The following CTNND2 variants were observed in gnomAD, a reference collection of about 807,000 sequenced individuals.
CTNND2 encodes catenin delta-2.
A neutral mutation model predicts 144.4 loss-of-function variants in CTNND2; 22 were observed. The observed-to-expected ratio is 0.15, with a 90% CI of 0.11 to 0.22. CTNND2 has a LOEUF of 0.22. Ranked by LOEUF, CTNND2 falls within the 10% of genes least tolerant of loss-of-function variation. CTNND2 has a pLI of 1.00. For missense variants in CTNND2, 1,353 were observed against 1,618.8 expected (o/e 0.84, Z 2.82); for synonymous variants, 751 against 695.6 (o/e 1.08, Z -1.25).
intron 12 of CTNND2, among the ~76,000 whole-genome samples, chr5:11,141,883 C>T (rs1219565184): frequency 1.3e-5 from 2 of 152,186 alleles, no homozygotes; most frequent in Non-Finnish European, 2.9e-5. Context: ...GAAGTGGGAA[C>T]TTGAGGAGGC....
chr5:11,782,401 G>C (rs1790588931), intron 1 of CTNND2, among the ~76,000 whole-genome samples: 1 of 29,430 alleles, frequency 3.4e-5, no homozygotes. Flanking sequence ...TTAAGAAAAT[G>C]AGATAGAAGG....
chr5:11,569,428 GGATT>G (rs1777385231), intron 2 of CTNND2, among the ~76,000 whole-genome samples: 2 of 151,908 alleles, frequency 1.3e-5, no homozygotes, highest in African/African-American at 4.8e-5. Flanking sequence ...TAATACATTA[GGATT>G]ATTATAAGAA....
chr5:11,544,990 C>G (rs148809114), intron 3 of CTNND2, among the ~76,000 whole-genome samples: 1 of 151,768 alleles, frequency 6.6e-6, no homozygotes, highest in Non-Finnish European at 1.5e-5. Flanking sequence ...GGTGTGATGA[C>G]GCGTGTCTGT....
chr5:11,505,305 A>G (rs138643990), intron 3 of CTNND2, among the ~76,000 whole-genome samples: 31 of 152,298 alleles, frequency 2.0e-4, no homozygotes, highest in African/African-American at 7.5e-4. Flanking sequence ...CTGAGGCCAT[A>G]TCATGGGTGG....
rs1257661373 is a variant in CTNND2 at position 11,521,554 on chromosome 5, T to C, written c.287+43390A>G. On this transcript the variant is annotated intron_variant, in intron 3 of 21. Coordinates refer to ENST00000304623, the MANE Select transcript of CTNND2 (RefSeq NM_001332.4). ...TCTCACCACCATCATTAAACATATATACATAGTCAACATTTAACTTGGGAT... is the reference window on the plus strand; with the variant it reads ...TCTCACCACCATCATTAAACATATACACATAGTCAACATTTAACTTGGGAT... Among the ~76,000 whole-genome samples the C allele has an allele frequency of 2.6e-5, 4 of 152,248 alleles. No homozygotes were observed. The South Asian group carries it at 6.2e-4, about 24-fold the overall frequency.
At chr5:11,826,590 C>G (rs1312834734) in intron 1 of CTNND2, among the ~76,000 whole-genome samples, 1 of 151,752 alleles carries the variant, frequency 6.6e-6, no homozygotes, top group Non-Finnish European at 1.5e-5. Flanking sequence ...GATATCCAAT[C>G]TAATATGGTC....
intron 16 of CTNND2, among the ~76,000 whole-genome samples, chr5:11,069,381 G>A (rs1305430835): frequency 2.6e-5 from 4 of 152,142 alleles, no homozygotes; most frequent in Non-Finnish European, 4.4e-5. Flanking sequence ...ATATGGGTTA[G>A]GAGTAGATAG....
intron 1 of CTNND2, among the ~76,000 whole-genome samples, chr5:11,836,122 A>G (rs180978141): frequency 2.0e-5 from 3 of 152,284 alleles, no homozygotes; most frequent in South Asian, 4.1e-4. Flanking sequence ...ATGTTGGGAG[A>G]TATCATCCCC....
At chr5:11,013,481 C>G (rs1444585018) in intron 18 of CTNND2, among the ~76,000 whole-genome samples, 1 of 152,154 alleles carries the variant, frequency 6.6e-6, no homozygotes, top group Non-Finnish European at 1.5e-5. Context: ...CTCCCCTACA[C>G]ATTTTAGACC....
At chr5:11,796,211 T>G (rs948824248) in intron 1 of CTNND2, among the ~76,000 whole-genome samples, 2 of 152,206 alleles carry the variant, frequency 1.3e-5, no homozygotes, top group African/African-American at 4.8e-5. Flanking sequence ...CTCAACTGCA[T>G]CTGCCATGCT....
intron 20 of CTNND2, among the ~76,000 whole-genome samples, chr5:10,987,171 G>C (rs1295046853): frequency 6.6e-6 from 1 of 152,194 alleles, no homozygotes; most frequent in East Asian, 1.9e-4. Flanking sequence ...TTGCTTTTAA[G>C]GTATAACTCC....
intron 18 of CTNND2, among the ~76,000 whole-genome samples, chr5:11,006,675 G>GT (rs1229667973): frequency 6.6e-6 from 1 of 152,206 alleles, no homozygotes; most frequent in Non-Finnish European, 1.5e-5. Context: ...ACTGCTAGGG[G>GT]TTGATGAGCA....
chr5:11,158,157 T>C (rs572743084), intron 12 of CTNND2, among the ~76,000 whole-genome samples: 140 of 152,318 alleles, frequency 9.2e-4, no homozygotes, highest in Middle Eastern at 6.8e-3. Flanking sequence ...TCTGAGACAG[T>C]TCCTTCTGCA....
At chr5:10,992,457 C>G (rs1259590676) in intron 19 of CTNND2, 94 bp downstream of exon 19, 5 of 1,558,490 alleles carry the variant, frequency 3.2e-6, no homozygotes, top group African/African-American at 2.7e-5. Context: ...ATGGAAGGCT[C>G]TCCTCTGAGT....
intron 2 of CTNND2, among the ~76,000 whole-genome samples, chr5:11,685,818 G>A (rs1017618250): frequency 2.6e-5 from 4 of 152,182 alleles, no homozygotes; most frequent in African/African-American, 9.6e-5. Context: ...TAGAGGTGAG[G>A]AAATGAAGAC....
chr5:11,108,756 G>A lies in CTNND2; in HGVS notation c.2463+2102C>T, dbSNP rs571000712. 3.7e-4 allele frequency among the ~76,000 whole-genome samples: 56 copies of A among 152,144 alleles called. 1 individual carries two copies. The highest frequency in any genetic ancestry group is 2.8e-3 in the Admixed American group (43 of 15,286). ...CCATGGTCAATCTCACACCAACAGC[G>A]CCTTGAAGAAGGTCTGACCTGACCA... On this transcript the variant is annotated intron_variant, in intron 14 of 21. Coordinates refer to ENST00000304623, the MANE Select transcript of CTNND2 (RefSeq NM_001332.4).
chr5:11,776,452 A>G (rs1048945422), intron 1 of CTNND2, among the ~76,000 whole-genome samples: 5 of 152,222 alleles, frequency 3.3e-5, no homozygotes, highest in Non-Finnish European at 5.9e-5. Context: ...GGGTCAGAGA[A>G]GGGGGTAAGT....
chr5:11,434,021 G>C (rs1763536609), intron 3 of CTNND2, among the ~76,000 whole-genome samples: 1 of 152,146 alleles, frequency 6.6e-6, no homozygotes, highest in African/African-American at 2.4e-5. Flanking sequence ...ACTTGTAAAA[G>C]AATGTACTTA....
At chr5:11,017,798 G>A (rs183081597) in intron 18 of CTNND2, among the ~76,000 whole-genome samples, 176 bp downstream of exon 18, 7 of 152,114 alleles carry the variant, frequency 4.6e-5, no homozygotes, top group Admixed American at 4.6e-4. Flanking sequence ...GAAAGTTCAT[G>A]GATCTTAGGA....
Sources: allele counts gnomAD v4.1 joint callset (sites outside exome capture counted in the v4.1 genomes callset), GRCh38; gene constraint gnomAD v4.1.1; transcripts MANE v1.5; gene names NCBI Gene and HGNC (gene_info 2026-07-23, HGNC 2026-07-21).